Variants in DNER observed in about 807,000 individuals in gnomAD.
The protein encoded by DNER is delta and Notch-like epidermal growth factor-related receptor.
A neutral mutation model predicts 78.2 loss-of-function variants in DNER; 33 were observed. That is an observed-to-expected ratio of 0.42 (90% CI 0.32 to 0.56). The LOEUF is 0.56. Among genes scored for constraint, DNER ranks in the 20% least tolerant of loss-of-function variants. The pLI is 0.11. For synonymous variants in DNER, 417 were observed against 384.8 expected (o/e 1.08, Z -0.98); for missense variants, 918 against 975.3 (o/e 0.94, Z 0.78).
intron 1 of DNER, among the ~76,000 whole-genome samples, chr2:229,690,343 T>G (rs1438030446): frequency 1.3e-5 from 2 of 152,152 alleles, no homozygotes; most frequent in Non-Finnish European, 2.9e-5. Flanking sequence ...AACTTTAGAG[T>G]CTCAAAGAAT....
rs558385539 is a variant in DNER, at chr2:229,571,444, T to A, written c.847+14414A>T. Among the ~76,000 whole-genome samples the A allele has an allele frequency of 4.3e-4, 66 of 152,136 alleles. 1 individual carries two copies. Among genetic ancestry groups the A allele is most frequent in the African/African-American group, 1.3e-3 (54 of 41,498 alleles). ...CCTCTTTGGCTGGCTCACTTTCTCC[T>A]CCCATGTGCTACACATAGCTCAACA... is the stretch of plus-strand genomic sequence containing the variant. On this transcript the variant is annotated intron_variant, in intron 4 of 12. Coordinates refer to ENST00000341772, the MANE Select transcript of DNER (RefSeq NM_139072.4).
chr2:229,554,635 G>A (rs145015508), intron 4 of DNER, among the ~76,000 whole-genome samples: 2 of 152,146 alleles, frequency 1.3e-5, no homozygotes, highest in Non-Finnish European at 1.5e-5. Flanking sequence ...ATTGCAGTGA[G>A]CTGAGATCGT....
chr2:229,412,666 G>T (rs1265277519), intron 9 of DNER, among the ~76,000 whole-genome samples: 1 of 152,164 alleles, frequency 6.6e-6, no homozygotes, highest in African/African-American at 2.4e-5. Flanking sequence ...GAGGGAGAGA[G>T]AAAGGGGCCT....
chr2:229,372,976 G>A (rs951387581), intron 11 of DNER, among the ~76,000 whole-genome samples: 3 of 152,088 alleles, frequency 2.0e-5, no homozygotes, highest in Non-Finnish European at 4.4e-5. Flanking sequence ...AGATTTGAGA[G>A]GAAGATTCTG....
At chr2:229,373,977 C>G (rs1211675591) in intron 11 of DNER, among the ~76,000 whole-genome samples, 3 of 152,030 alleles carry the variant, frequency 2.0e-5, no homozygotes, top group Non-Finnish European at 2.9e-5. Context: ...ACCAGCCTGG[C>G]CAACATGGAA....
chr2:229,561,810 T>C (rs1696964272), intron 4 of DNER, among the ~76,000 whole-genome samples: 1 of 152,174 alleles, frequency 6.6e-6, no homozygotes, highest in African/African-American at 2.4e-5. Flanking sequence ...TATTCTCCTC[T>C]CATGCCTATA....
intron 8 of DNER, among the ~76,000 whole-genome samples, chr2:229,432,786 A>C (rs1384821542): frequency 6.6e-6 from 1 of 152,164 alleles, no homozygotes; most frequent in South Asian, 2.1e-4. Flanking sequence ...TCTGATGAGC[A>C]CTCAAGTTTG....
intron 7 of DNER, among the ~76,000 whole-genome samples, chr2:229,449,356 A>C (rs1369630010): frequency 1.3e-5 from 2 of 152,256 alleles, no homozygotes; most frequent in African/African-American, 4.8e-5. Context: ...TTAATTTTAG[A>C]CAATAAAATA....
chr2:229,688,033 A>T (rs1217222796), intron 1 of DNER, among the ~76,000 whole-genome samples: 1 of 152,234 alleles, frequency 6.6e-6, no homozygotes, highest in African/African-American at 2.4e-5. Flanking sequence ...ATCAGCAAAC[A>T]GGTTGGCTGG....
intron 11 of DNER, among the ~76,000 whole-genome samples, chr2:229,376,812 G>A (rs957640255): frequency 3.3e-5 from 5 of 152,134 alleles, no homozygotes; most frequent in African/African-American, 1.2e-4. Context: ...GTGAGGTGGG[G>A]ATCTGGATAA....
chr2:229,691,376 T>C (rs1429849614), intron 1 of DNER, among the ~76,000 whole-genome samples: 1 of 152,154 alleles, frequency 6.6e-6, no homozygotes, highest in Non-Finnish European at 1.5e-5. Flanking sequence ...GGTTCACTCT[T>C]AATGGAAAAC....
At chr2:229,364,336 C>T (rs73998210) in intron 12 of DNER, among the ~76,000 whole-genome samples, 10,628 of 151,996 alleles carry the variant, frequency 0.07, 1,175 homozygotes, top group African/African-American at 0.24. Context: ...CATTTCAAAC[C>T]TCAAATGTTA....
At chr2:229,710,149 TA>T (rs1420086946) in intron 1 of DNER, among the ~76,000 whole-genome samples, 1 of 152,230 alleles carries the variant, frequency 6.6e-6, no homozygotes, top group Non-Finnish European at 1.5e-5. Flanking sequence ...GCATGTGGCA[TA>T]AGGAGAATCT....
At chr2:229,512,246 G>T (rs1221720065) in intron 6 of DNER, among the ~76,000 whole-genome samples, 1 of 151,972 alleles carries the variant, frequency 6.6e-6, no homozygotes, top group Admixed American at 6.6e-5. Context: ...AGCTGGGTGT[G>T]GGGGCGCATG....
At chr2:229,567,477 A>G (rs940064897) in intron 4 of DNER, among the ~76,000 whole-genome samples, 1 of 152,240 alleles carries the variant, frequency 6.6e-6, no homozygotes, top group Non-Finnish European at 1.5e-5. Flanking sequence ...CAAGAGAGAC[A>G]AAGTGGCAGA....
chr2:229,506,787 T>G (rs894150791), intron 6 of DNER, among the ~76,000 whole-genome samples: 1 of 151,930 alleles, frequency 6.6e-6, no homozygotes, highest in Non-Finnish European at 1.5e-5. Flanking sequence ...TCTGTCCTTG[T>G]GATAGTTTGC....
intron 1 of DNER, among the ~76,000 whole-genome samples, chr2:229,633,888 G>A (rs1371012510): frequency 1.3e-5 from 2 of 152,194 alleles, no homozygotes; most frequent in Admixed American, 6.5e-5. Context: ...GGTTCTTAAC[G>A]CAGGTCACAG....
At chr2:229,447,636 T>A in intron 7 of DNER, 96 bp from the exon 8 acceptor site, 1 of 1,283,688 alleles carries the variant, frequency 7.8e-7, no homozygotes, top group Non-Finnish European at 1.1e-6. Flanking sequence ...GCATAACAAT[T>A]AATTCATTCA....
intron 1 of DNER, among the ~76,000 whole-genome samples, chr2:229,661,316 CA>C (rs1202641870): frequency 6.6e-6 from 1 of 151,826 alleles, no homozygotes; most frequent in Non-Finnish European, 1.5e-5. Flanking sequence ...CACACCTCCC[CA>C]AAAAAAACTT....
Sources: gnomAD v4.1 joint callset for allele counts (sites outside exome capture counted in the v4.1 genomes callset) on GRCh38, gnomAD v4.1.1 for gene constraint, MANE v1.5 for transcripts, NCBI Gene and HGNC (gene_info 2026-07-23, HGNC 2026-07-21) for gene names.